The following FIBCD1 variants were observed in gnomAD, a reference collection of about 807,000 sequenced individuals.
FIBCD1 encodes fibrinogen C domain containing 1, also known as fibrinogen C domain-containing protein 1.
FIBCD1 carries 47 observed loss-of-function variants against 45.1 expected under a neutral mutation model. The observed-to-expected ratio is 1.04, with a 90% CI of 0.82 to 1.33. FIBCD1 has a LOEUF of 1.33. Ranked by LOEUF, FIBCD1 falls within the 40% of genes most tolerant of loss-of-function variation. The pLI is 0.00. For synonymous variants in FIBCD1, 313 were observed against 308.1 expected (o/e 1.02, Z -0.17); for missense variants, 653 against 682.2 (o/e 0.96, Z 0.48).
chr9:130,909,558 CAG>C (rs1030886591), intron 5 of FIBCD1, among the ~76,000 whole-genome samples: 36 of 152,308 alleles, frequency 2.4e-4, no homozygotes, highest in African/African-American at 8.4e-4. Flanking sequence ...CACTTCCACA[CAG>C]GGAATTTTGT....
chr9:130,912,963 C>T (rs1394003683), intron 4 of FIBCD1, among the ~76,000 whole-genome samples: 1 of 152,140 alleles, frequency 6.6e-6, no homozygotes, highest in East Asian at 1.9e-4. Flanking sequence ...AAGCCTGGGG[C>T]AGGGGTCGGG....
At chr9:130,940,393 C>T (rs558461523), upstream of FIBCD1, among the ~76,000 whole-genome samples, 6 of 152,390 alleles carry the variant, frequency 3.9e-5, no homozygotes, top group Admixed American at 1.3e-4. Context: ...TGAGGCTGCC[C>T]GGGAGTTGGA....
rs1219000958 is a variant in FIBCD1, at chr9:130,911,907, G to C, written c.850-19C>G. On this transcript the variant is annotated intron_variant, in intron 4 of 6. Coordinates refer to ENST00000372338, the MANE Select transcript of FIBCD1 (RefSeq NM_032843.5). ...GAAACACCTGCAAAGGGAAGATGGG[G>C]ATGGGGCGTTGGCACCGACCATCCC... The C allele has an allele frequency of 3.9e-6, 6 of 1,557,552 alleles. No individual in the cohort carries two copies. The highest frequency in any genetic ancestry group is 5.2e-6 in the Non-Finnish European group (6 of 1,151,450).
intron 2 of FIBCD1, among the ~76,000 whole-genome samples, chr9:130,925,086 C>G (rs548230152): frequency 2.1e-4 from 32 of 152,180 alleles, no homozygotes; most frequent in Non-Finnish European, 3.8e-4. Context: ...CTTTGCGCAG[C>G]CCCTCAGGCT....
chr9:130,912,848 TGACC>T (rs1832086576), intron 4 of FIBCD1, among the ~76,000 whole-genome samples: 1 of 151,916 alleles, frequency 6.6e-6, no homozygotes, highest in East Asian at 1.9e-4. Flanking sequence ...AAAACAAAAC[TGACC>T]AAGTCTATCC....
chr9:130,919,805 G>A (rs1027592000), intron 4 of FIBCD1, among the ~76,000 whole-genome samples: 1 of 152,208 alleles, frequency 6.6e-6, no homozygotes, highest in African/African-American at 2.4e-5. Context: ...TAGGTATGGG[G>A]TCCTATCATG....
intron 5 of FIBCD1, among the ~76,000 whole-genome samples, chr9:130,906,085 T>G (rs561011058): frequency 6.6e-6 from 1 of 152,240 alleles, no homozygotes; most frequent in African/African-American, 2.4e-5. Context: ...AGCGCTGGCT[T>G]AGTGGATGGG....
At chr9:130,939,971 C>T (rs970001365), upstream of FIBCD1, among the ~76,000 whole-genome samples, 15 of 152,158 alleles carry the variant, frequency 9.9e-5, no homozygotes, top group African/African-American at 3.1e-4. Context: ...TCTGCGTCCC[C>T]ATCTTTTTCT....
rs953921982 is a variant in FIBCD1, at chr9:130,903,908, G to A, written c.*156C>T. ...CGAGAAGGCGATGTGTGACTTCACC[G>A]GCCCAGGGAGCTTCGTGTCAGGGAT... is the stretch of plus-strand genomic sequence containing the variant. On this transcript the variant is annotated 3_prime_UTR_variant, in exon 7 of 7. Transcript: ENST00000372338. 2.4e-5 allele frequency: 23 copies of A among 955,976 alleles called. No homozygotes were observed. The highest frequency in any genetic ancestry group is 3.6e-5 in the Non-Finnish European group (22 of 609,516). 59.2% of individuals were successfully genotyped at this position (955,976 alleles called of 1,614,324 possible).
intron 1 of FIBCD1, chr9:130,934,037 T>A (rs988431828): frequency 1.3e-5 from 2 of 152,316 alleles, no homozygotes; most frequent in African/African-American, 2.4e-5. Flanking sequence ...AATGGAAAGC[T>A]GAAGGTGGCG....
At chr9:130,937,490 G>T (rs1231184456) in intron 1 of FIBCD1, among the ~76,000 whole-genome samples, 2 of 152,220 alleles carry the variant, frequency 1.3e-5, no homozygotes, top group Non-Finnish European at 2.9e-5. Context: ...TTGTGCCACG[G>T]CAGTGTCACA....
chr9:130,913,307 G>A (rs1340096182), intron 4 of FIBCD1, among the ~76,000 whole-genome samples: 3 of 151,174 alleles, frequency 2.0e-5, no homozygotes, highest in East Asian at 1.9e-4. Context: ...CCGCGGCCCG[G>A]CCGGCCTCCA....
chr9:130,905,076 TG>T (rs895424371), intron 6 of FIBCD1, among the ~76,000 whole-genome samples, 157 bp downstream of exon 6: 1 of 152,190 alleles, frequency 6.6e-6, no homozygotes, highest in Admixed American at 6.5e-5. Context: ...GATGTGGGGT[TG>T]GTAGTTTATC....
intron 4 of FIBCD1, among the ~76,000 whole-genome samples, chr9:130,916,176 A>G (rs1056538430): frequency 6.6e-6 from 1 of 152,010 alleles, no homozygotes; most frequent in African/African-American, 2.4e-5. Flanking sequence ...TGATCCACCC[A>G]CCTTGGCCTC....
chr9:130,934,159 G>C (rs1484875944), intron 1 of FIBCD1, among the ~76,000 whole-genome samples: 1 of 152,156 alleles, frequency 6.6e-6, no homozygotes, highest in African/African-American at 2.4e-5. Flanking sequence ...AGCCTCAGGG[G>C]AATTCCTCCT....
rs1832418786 is a variant in FIBCD1, at chr9:130,929,921, A to G, written c.198T>C (p.Pro66=). The G allele has an allele frequency of 6.5e-7, 1 of 1,549,170 alleles. No homozygotes were observed. Among genetic ancestry groups the G allele is most frequent in the African/African-American group, 1.4e-5 (1 of 73,150 alleles). Residue 66 remains proline (P), a synonymous_variant, in exon 2 of 7, where the codon CCT becomes CCC. Coordinates refer to ENST00000372338, the MANE Select transcript of FIBCD1 (RefSeq NM_032843.5). ...HAHAPGTAPP[P]VVSTGAASAN... ...CGCTGGCAGCCCCAGTGCTGACGAC[A>G]GGTGGGGGCGCCGTGCCCGGCGCGT...
intron 4 of FIBCD1, among the ~76,000 whole-genome samples, chr9:130,915,924 G>A (rs572868934): frequency 5.9e-4 from 89 of 151,110 alleles, no homozygotes; most frequent in African/African-American, 1.8e-3. Context: ...GCAGAAGGAC[G>A]TGCATAGATA....
In FIBCD1 at chr9:130,939,231, G is replaced by A. The variant is rs1035473980; in HGVS notation, c.-624C>T. 6.6e-6 allele frequency: 1 copy of A among 152,008 alleles called. No individual in the cohort carries two copies. Among genetic ancestry groups the A allele is most frequent in the East Asian group, 2.0e-4 (1 of 5,120 alleles). 9.4% of individuals were successfully genotyped at this position (152,008 alleles called of 1,614,324 possible). A position where few individuals can be genotyped will look rare whatever the true frequency, so the allele number is the denominator to read the frequency against. On this transcript the variant is annotated 5_prime_UTR_variant, in exon 1 of 7. Coordinates refer to ENST00000372338, the MANE Select transcript of FIBCD1 (RefSeq NM_032843.5). ...GGACTCACACAAGTCACCATGCGCG[G>A]GGCGGGCCCCGAGGGCGCCCCCGCC...
chr9:130,921,745 G>A (rs562093053), intron 4 of FIBCD1, among the ~76,000 whole-genome samples: 145 of 152,306 alleles, frequency 9.5e-4, no homozygotes, highest in South Asian at 1.7e-3. Flanking sequence ...TCACTGTTCC[G>A]CCCGCCAAGG....
Sources: gnomAD v4.1 joint callset for allele counts (sites outside exome capture counted in the v4.1 genomes callset) on GRCh38, gnomAD v4.1.1 for gene constraint, MANE v1.5 for transcripts, NCBI Gene and HGNC (gene_info 2026-07-23, HGNC 2026-07-21) for gene names.